DPP10: variants seen among roughly 807,000 people sequenced by gnomAD.
The protein encoded by DPP10 is inactive dipeptidyl peptidase 10.
A neutral mutation model predicts 120.9 loss-of-function variants in DPP10; 33 were observed. The ratio of observed to expected loss-of-function variants is 0.27; its 90% CI spans 0.21 to 0.37. DPP10 has a LOEUF of 0.37. Ranked by LOEUF, DPP10 falls within the 10% of genes least tolerant of loss-of-function variation. The probability of loss-of-function intolerance (pLI) is 1.00; values close to 1 mark genes in which losing one functional copy is unlikely to be tolerated. For synonymous variants in DPP10, 337 were observed against 326.1 expected, an observed-to-expected ratio of 1.03 and a Z score of -0.36; for missense variants, 816 against 942.8, an observed-to-expected ratio of 0.87 and a Z score of 1.76.
At chr2:115,573,337 C>A (rs1431893203) in intron 5 of DPP10, among the ~76,000 whole-genome samples, 1 of 134,552 alleles carries the variant, frequency 7.4e-6, no homozygotes. Context: ...GGCTGGAGTG[C>A]AGTTGTAGGA....
intron 1 of DPP10, among the ~76,000 whole-genome samples, chr2:114,715,941 T>C (rs1304402421): frequency 6.6e-6 from 1 of 152,034 alleles, no homozygotes; most frequent in African/African-American, 2.4e-5. Flanking sequence ...CTCAAGATGC[T>C]ACCAGATTAC....
chr2:115,549,471 T>C (rs1203788811), intron 5 of DPP10, among the ~76,000 whole-genome samples: 3 of 152,124 alleles, frequency 2.0e-5, no homozygotes, highest in African/African-American at 7.2e-5. Flanking sequence ...CATGCATTCT[T>C]TCCCTATTCT....
chr2:114,696,490 T>C lies in DPP10; in HGVS notation c.60+253652T>C, dbSNP rs13339811. ...TTCTTTTATTTGCAGCTGAAGCTAT[T>C]ATATCCAGAGCCTATGGCTGTTTGG... On this transcript the variant is annotated intron_variant, in intron 1 of 25. Coordinates refer to ENST00000410059, the MANE Select transcript of DPP10 (RefSeq NM_020868.6). 7.9e-3 allele frequency among the ~76,000 whole-genome samples: 1,205 copies of C among 152,164 alleles called. 16 individuals are homozygous for C. The highest frequency in any genetic ancestry group is 0.027 in the African/African-American group (1,135 of 41,532).
intron 1 of DPP10, among the ~76,000 whole-genome samples, chr2:114,631,382 A>G (rs1436193748): frequency 6.6e-6 from 1 of 152,092 alleles, no homozygotes; most frequent in African/African-American, 2.4e-5. Context: ...CCCCGCCTCT[A>G]TCCTGAAGAA....
chr2:115,509,086 G>A (rs1225695382), intron 4 of DPP10, among the ~76,000 whole-genome samples: 4 of 152,154 alleles, frequency 2.6e-5, no homozygotes, highest in South Asian at 2.1e-4. Flanking sequence ...CAGATCATGC[G>A]GGTCATGGTG....
intron 1 of DPP10, among the ~76,000 whole-genome samples, chr2:115,117,799 C>A (rs530547442): frequency 6.6e-6 from 1 of 152,188 alleles, no homozygotes; most frequent in South Asian, 2.1e-4. Flanking sequence ...AGACAAGGAA[C>A]CTTAAGGGTC....
At chr2:114,525,357 C>T (rs984865503) in intron 1 of DPP10, among the ~76,000 whole-genome samples, 5 of 152,064 alleles carry the variant, frequency 3.3e-5, no homozygotes, top group Non-Finnish European at 7.4e-5. Context: ...TGAGTCACAC[C>T]ATATATTCAA....
intron 21 of DPP10, among the ~76,000 whole-genome samples, chr2:115,821,720 C>T (rs1309836810): frequency 6.6e-6 from 1 of 150,946 alleles, no homozygotes; most frequent in Non-Finnish European, 1.5e-5. Flanking sequence ...TTGGTTTGTT[C>T]AATTATATTG....
At chr2:115,331,222 C>CTGCT (rs2062709694) in intron 2 of DPP10, among the ~76,000 whole-genome samples, 1 of 150,958 alleles carries the variant, frequency 6.6e-6, no homozygotes, top group South Asian at 2.1e-4. Flanking sequence ...ATTTGGCTCT[C>CTGCT]TGTCTGTTAT....
chr2:115,647,335 C>T (rs979640590), intron 5 of DPP10, among the ~76,000 whole-genome samples: 7 of 152,212 alleles, frequency 4.6e-5, no homozygotes, highest in African/African-American at 1.7e-4. Context: ...ACATAGGAAG[C>T]TTTTTAAACC....
intron 2 of DPP10, among the ~76,000 whole-genome samples, chr2:115,332,282 A>G (rs139860571): frequency 1.8e-4 from 28 of 151,974 alleles, no homozygotes; most frequent in African/African-American, 6.0e-4. Context: ...CCCCTTTATC[A>G]TTTTTTATTG....
chr2:115,173,628 A>G (rs2053513660), intron 1 of DPP10, among the ~76,000 whole-genome samples: 1 of 152,216 alleles, frequency 6.6e-6, no homozygotes, highest in Non-Finnish European at 1.5e-5. Context: ...GTAGGCACAT[A>G]TTAAATGACC....
chr2:115,440,526 A>G (rs763522385), intron 3 of DPP10, among the ~76,000 whole-genome samples: 2 of 152,200 alleles, frequency 1.3e-5, no homozygotes, highest in Non-Finnish European at 2.9e-5. Flanking sequence ...ACACTATGAG[A>G]TGAATCAAGA....
intron 1 of DPP10, among the ~76,000 whole-genome samples, chr2:114,777,025 A>G (rs1681808965): frequency 6.6e-6 from 1 of 152,210 alleles, no homozygotes; most frequent in Non-Finnish European, 1.5e-5. Context: ...GTACATAACT[A>G]TATAATATAT....
At chr2:114,911,969 C>A (rs1038946236) in intron 1 of DPP10, among the ~76,000 whole-genome samples, 26 of 152,138 alleles carry the variant, frequency 1.7e-4, no homozygotes, top group African/African-American at 6.0e-4. Flanking sequence ...TATGTTTCTG[C>A]ACATTCAGGG....
At chr2:114,964,089 A>G (rs1698838190) in intron 1 of DPP10, among the ~76,000 whole-genome samples, 1 of 152,194 alleles carries the variant, frequency 6.6e-6, no homozygotes, top group Non-Finnish European at 1.5e-5. Context: ...TTCAAGTAAT[A>G]TATTTGATTG....
intron 5 of DPP10, among the ~76,000 whole-genome samples, chr2:115,528,570 G>A (rs1461057943): frequency 2.0e-5 from 3 of 151,880 alleles, no homozygotes; most frequent in African/African-American, 7.3e-5. Flanking sequence ...GCAAATATTT[G>A]CAGCAGCCTT....
intron 5 of DPP10, among the ~76,000 whole-genome samples, chr2:115,663,110 G>GC (rs1318818200): frequency 5.9e-5 from 9 of 152,028 alleles, no homozygotes; most frequent in Admixed American, 4.6e-4. Context: ...GGAAAATTGA[G>GC]CATCCATCCC....
chr2:114,866,027 G>A (rs1000235654), intron 1 of DPP10, among the ~76,000 whole-genome samples: 1 of 151,902 alleles, frequency 6.6e-6, no homozygotes, highest in South Asian at 2.1e-4. Flanking sequence ...CAGGAGAATC[G>A]CTTGAACCTG....
Sources: gnomAD v4.1 joint callset for allele counts (sites outside exome capture counted in the v4.1 genomes callset) on GRCh38, gnomAD v4.1.1 for gene constraint, MANE v1.5 for transcripts, NCBI Gene and HGNC (gene_info 2026-07-23, HGNC 2026-07-21) for gene names.